Variants in NUP210L observed in about 807,000 individuals in gnomAD.
NUP210L encodes the protein nucleoporin 210 like.
Under a neutral mutation model 208.5 loss-of-function variants are expected in NUP210L, and 74 were observed. The ratio of observed to expected loss-of-function variants is 0.35; its 90% CI spans 0.29 to 0.43. The LOEUF (loss-of-function observed/expected upper bound fraction) is 0.43, where lower values mean the gene tolerates loss of function less well. Ranked by LOEUF, NUP210L falls within the 20% of genes least tolerant of loss-of-function variation. The pLI is 1.00. For synonymous variants in NUP210L, 780 were observed against 816.9 expected (o/e 0.95, Z 0.77); for missense variants, 1,843 against 2,289.4 (o/e 0.81, Z 3.98).
intron 16 of NUP210L, among the ~76,000 whole-genome samples, chr1:154,086,228 G>GA (rs1655615554): frequency 6.8e-6 from 1 of 146,626 alleles, no homozygotes; most frequent in Non-Finnish European, 1.5e-5. Context: ...AAAAAAGAAA[G>GA]AAAGAAAAGA....
chr1:154,154,858 G>C, exon 1 of NUP210L: 4 of 1,613,790 alleles, frequency 2.5e-6, no homozygotes, highest in Non-Finnish European at 3.4e-6. Context: ...TAGCAGCCCC[G>C]CTGGGCCTCC....
chr1:154,135,593 T>C lies in NUP210L; in HGVS notation c.1009+221A>G, dbSNP rs183955153. Among the ~76,000 whole-genome samples the C allele has an allele frequency of 6.6e-5, 10 of 152,114 alleles. No individual in the cohort carries two copies. In the East Asian group the frequency reaches 1.9e-3, roughly 29 times the overall value. ...CCCGCCACCACGCCTGGCTAATTTT[T>C]AGTATTTTTAGTAGAGTCAGGGTTT... On this transcript the variant is annotated intron_variant, in intron 7 of 39. Coordinates refer to ENST00000368559, the Ensembl canonical transcript of NUP210L.
intron 7 of NUP210L, among the ~76,000 whole-genome samples, chr1:154,129,799 T>C (rs1557998684): frequency 1.3e-5 from 2 of 152,230 alleles, no homozygotes; most frequent in Non-Finnish European, 1.5e-5. Flanking sequence ...CCACAGATAG[T>C]TTCAAAATTA....
chr1:154,048,934 G>A (rs767817639), intron 25 of NUP210L, among the ~76,000 whole-genome samples: 56 of 152,246 alleles, frequency 3.7e-4, no homozygotes, highest in Non-Finnish European at 6.2e-4. Context: ...GCTGTATGTG[G>A]AAATGGGGAA....
In NUP210L at chr1:154,075,993, C is replaced by G. The variant is rs1655011621; in HGVS notation, c.2362-5528G>C. ...TTGCAGAGGTGGGGTTTTGCCATGT[C>G]ACTCAGGCTGGTCTCGAATTCCTGG... On this transcript the variant is annotated intron_variant, in intron 16 of 39. Transcript: ENST00000368559. 2.0e-5 allele frequency among the ~76,000 whole-genome samples: 3 copies of G among 151,744 alleles called. No homozygotes were observed. In the South Asian group the frequency reaches 6.3e-4, roughly 32 times the overall value.
rs577871170 is a variant in NUP210L at position 154,044,407 on chromosome 1, C to CAA, written c.3696+1660_3696+1661dup. Among the ~76,000 whole-genome samples, 52 of 131,996 alleles carry CAA rather than the reference C, an allele frequency of 3.9e-4. No individual in the cohort carries two copies. The East Asian group carries it at 4.4e-3, about 11-fold the overall frequency. The allele number at this position is 131,996 out of a possible 152,430, so 86.6% of individuals were successfully genotyped here. A position where few individuals can be genotyped will look rare whatever the true frequency, so the allele number is the denominator to read the frequency against. On this transcript the variant is annotated intron_variant, in intron 27 of 39. Transcript: ENST00000368559. ...GGGCAAAAAGAGGGAAACTCTGTCTCAAAAAAAAAAAAAGAAAAAGAAAAA... is the reference window on the plus strand; with the variant it reads ...GGGCAAAAAGAGGGAAACTCTGTCTCAAAAAAAAAAAAAAAGAAAAAGAAAAA...
chr1:154,001,124 C>A, intron 36 of NUP210L, 64 bp from the exon 37 acceptor site: 1 of 1,254,640 alleles, frequency 8.0e-7, no homozygotes. Flanking sequence ...CAGTATGTTC[C>A]AATCTGAAAC....
At chr1:154,104,291 G>C in intron 12 of NUP210L, 81 bp from the exon 13 acceptor site, 1 of 1,046,938 alleles carries the variant, frequency 9.6e-7, no homozygotes. Context: ...TGGCCAAATA[G>C]AACCCTCCAG....
chr1:154,143,485 A>G, exon 3 of NUP210L: 1 of 1,614,046 alleles, frequency 6.2e-7, no homozygotes, highest in Non-Finnish European at 8.5e-7. Flanking sequence ...TCCAGTGGCG[A>G]ATCATCTACA....
intron 14 of NUP210L, 73 bp downstream of exon 14, chr1:154,099,925 C>T: frequency 7.0e-7 from 1 of 1,433,726 alleles, no homozygotes; most frequent in Non-Finnish European, 9.8e-7. Context: ...CCACAGATAG[C>T]TAGTAAGCCC....
In NUP210L at chr1:154,055,123, T is replaced by TTTTCTTTCTTTC. The variant is rs533438783; in HGVS notation, c.3241-303_3241-292dup. ...TCTTTCTTTTCTTTCTCTTTCTTTC[T>TTTTCTTTCTTTC]TTTCTTTCTTTCTTTCTTTCTTTCT... On this transcript the variant is annotated intron_variant, in intron 23 of 39. Coordinates refer to ENST00000368559, the Ensembl canonical transcript of NUP210L. Among the ~76,000 whole-genome samples the TTTTCTTTCTTTC allele has an allele frequency of 2.2e-3, 258 of 117,232 alleles. 1 individual carries two copies. The highest frequency in any genetic ancestry group is 3.9e-3 in the Middle Eastern group (1 of 258). The allele number at this position is 117,232 out of a possible 152,430, so 76.9% of individuals were successfully genotyped here.
At chr1:154,129,586 G>C (rs1312131261) in intron 7 of NUP210L, among the ~76,000 whole-genome samples, 2 of 152,152 alleles carry the variant, frequency 1.3e-5, no homozygotes, top group Admixed American at 1.3e-4. Flanking sequence ...TAGAAAGGGA[G>C]AAAAAAGATC....
At chr1:154,027,726 C>T (rs1371124358) in intron 28 of NUP210L, 129 bp from the exon 29 acceptor site, 4 of 601,678 alleles carry the variant, frequency 6.6e-6, no homozygotes, top group East Asian at 3.0e-5. Context: ...AACAGTCTGC[C>T]TAACTTCTAA....
intron 14 of NUP210L, among the ~76,000 whole-genome samples, chr1:154,097,351 A>G (rs971511278): frequency 3.3e-5 from 5 of 152,212 alleles, no homozygotes; most frequent in Non-Finnish European, 7.3e-5. Context: ...TGACTAACAT[A>G]CTAGGTAGAA....
intron 33 of NUP210L, among the ~76,000 whole-genome samples, 167 bp from the exon 34 acceptor site, chr1:154,012,537 G>A (rs1173386737): frequency 1.3e-5 from 2 of 150,402 alleles, no homozygotes. Context: ...TGCCTTTGAA[G>A]ACAAAATAAC....
chr1:154,056,849 C>T, exon 23 of NUP210L: 1 of 1,593,598 alleles, frequency 6.3e-7, no homozygotes, highest in Non-Finnish European at 8.5e-7. Context: ...GTATTTTCTT[C>T]CCATCTTGTC....
rs1053016157 is a variant in NUP210L at position 154,061,263 on chromosome 1, A to G, written c.2644-217T>C. ...CATGGTGGTGGGTGTCTGTAATCCCAGCTAGTTGGGAGGATGAGGCAGGAG... is the reference window on the plus strand; with the variant it reads ...CATGGTGGTGGGTGTCTGTAATCCCGGCTAGTTGGGAGGATGAGGCAGGAG... On this transcript the variant is annotated intron_variant, in intron 18 of 39. Transcript: ENST00000368559. Among the ~76,000 whole-genome samples, 21 of 152,126 alleles carry G rather than the reference A, an allele frequency of 1.4e-4. No individual in the cohort carries two copies. In the East Asian group the frequency reaches 4.0e-3, roughly 29 times the overall value.
At chr1:154,012,141 G>C in intron 34 of NUP210L, 103 bp downstream of exon 34, 2 of 1,182,390 alleles carry the variant, frequency 1.7e-6, no homozygotes, top group Non-Finnish European at 2.4e-6. Flanking sequence ...AGTCAGTTTT[G>C]AAATAAAAAG....
chr1:154,072,954 C>T (rs557918913), intron 16 of NUP210L, among the ~76,000 whole-genome samples: 1 of 152,232 alleles, frequency 6.6e-6, no homozygotes, highest in South Asian at 2.1e-4. Flanking sequence ...TTTTGCGCAG[C>T]AAAAGGAACA....
Sources: gnomAD v4.1 joint callset for allele counts (sites outside exome capture counted in the v4.1 genomes callset) on GRCh38, gnomAD v4.1.1 for gene constraint, MANE v1.5 for transcripts, NCBI Gene and HGNC (gene_info 2026-07-23, HGNC 2026-07-21) for gene names.